GABARAPL2: variants seen among roughly 807,000 people sequenced by gnomAD.
GABARAPL2 encodes GABA type A receptor associated protein like 2, also known as gamma-aminobutyric acid receptor-associated protein-like 2.
In GABARAPL2, 11 loss-of-function variants were observed where a neutral mutation model predicts 16.9. The ratio of observed to expected loss-of-function variants is 0.65; its 90% CI spans 0.41 to 1.08. The LOEUF is 1.08. GABARAPL2 is among the 50% of genes least tolerant of loss of function. The probability of loss-of-function intolerance (pLI) is 0.00; values close to 1 mark genes in which losing one functional copy is unlikely to be tolerated. For synonymous variants in GABARAPL2, 57 were observed against 50.7 expected (o/e 1.12, Z -0.53); for missense variants, 134 against 142.5 (o/e 0.94, Z 0.30).
rs928334431 is a variant in GABARAPL2, at chr16:75,566,390, T to TCGCTGCCGCTGC, written c.-87_-76dup. On this transcript the variant is annotated 5_prime_UTR_variant, in exon 1 of 4. Transcript: ENST00000037243. The stretch of plus-strand genomic sequence containing the variant: ...CCCGCCTGCCGTGTAGTCGCCGCCG[T>TCGCTGCCGCTGC]CGCTGCCGCTGCCGCTGCCGCCGTC... 1.1e-3 allele frequency: 1,002 copies of TCGCTGCCGCTGC among 920,142 alleles called. 10 individuals are homozygous for TCGCTGCCGCTGC. The African/African-American group carries it at 0.015, about 14-fold the overall frequency. The allele number at this position is 920,142 out of a possible 1,614,324, so 57.0% of individuals were successfully genotyped here.
chr16:75,575,369 C>T (rs1193903538), intron 3 of GABARAPL2, among the ~76,000 whole-genome samples: 4 of 151,976 alleles, frequency 2.6e-5, no homozygotes, highest in Non-Finnish European at 5.9e-5. Flanking sequence ...GATCTTGGCT[C>T]ACTGCAACCT....
chr16:75,568,231 G>T (rs1389598881), intron 3 of GABARAPL2, 22 bp downstream of exon 3: 1 of 1,549,500 alleles, frequency 6.5e-7, no homozygotes, highest in Non-Finnish European at 8.9e-7. Flanking sequence ...TTACTAGATG[G>T]GCCCTCTGGT....
At chr16:75,576,261 A>T (rs1225894937) in intron 3 of GABARAPL2, 4 of 152,166 alleles carry the variant, frequency 2.6e-5, no homozygotes, top group Non-Finnish European at 5.9e-5. Flanking sequence ...AACAGGAAAA[A>T]AACTCAAAAC....
chr16:75,574,513 A>G (rs1011462942), intron 3 of GABARAPL2, among the ~76,000 whole-genome samples: 2 of 152,120 alleles, frequency 1.3e-5, no homozygotes, highest in Non-Finnish European at 2.9e-5. Context: ...TTTTCCCATT[A>G]GCCTCATTCT....
chr16:75,566,511 C>T lies in GABARAPL2; in HGVS notation c.25C>T (p.His9Tyr), dbSNP rs1309250011. The change falls in exon 1 of 4, where the codon CAC (histidine) becomes TAC (tyrosine). Residue 9 changes from histidine (H) to tyrosine (Y), a missense_variant. Coordinates refer to ENST00000037243, the MANE Select transcript of GABARAPL2 (RefSeq NM_007285.7). MKWMFKED[H>Y]SLEHRCVESA... ...CATGAAGTGGATGTTCAAGGAGGAC[C>T]ACTCGCTGGGTAAGCACTTGGTCGT... The T allele has an allele frequency of 6.2e-7, 1 of 1,609,044 alleles. No individual in the cohort carries two copies.
intron 3 of GABARAPL2, among the ~76,000 whole-genome samples, chr16:75,570,298 C>A (rs992989892): frequency 6.6e-6 from 1 of 152,094 alleles, no homozygotes; most frequent in Non-Finnish European, 1.5e-5. Flanking sequence ...ACATAAGAGG[C>A]GTGTGACATC....
At chr16:75,567,951 C>A in intron 2 of GABARAPL2, 86 bp from the exon 3 acceptor site, 1 of 1,022,082 alleles carries the variant, frequency 9.8e-7, no homozygotes, top group Non-Finnish European at 1.5e-6. Context: ...CCTCCTTGCC[C>A]ACACTCTGTT....
Position 75,568,107 on chromosome 16 carries a change from A to G in GABARAPL2, c.161A>G (p.Asp54Gly). 6.2e-7 allele frequency: 1 copy of G among 1,612,342 alleles called. No homozygotes were observed. Among genetic ancestry groups the G allele is most frequent in the Non-Finnish European group, 8.5e-7 (1 of 1,178,366 alleles). ...AAACGGAAGTACTTGGTTCCATCTGATATCACTGTGGCTCAGTTCATGTGG... is the reference window on the plus strand; with the variant it reads ...AAACGGAAGTACTTGGTTCCATCTGGTATCACTGTGGCTCAGTTCATGTGG... ...IDKRKYLVPSDITVAQFMWII... is the reference protein window; with the variant it reads ...IDKRKYLVPSGITVAQFMWII... The change falls in exon 3 of 4, where the codon GAT becomes GGT. Residue 54 changes from aspartate (D) to glycine (G), a missense_variant. Asp to Gly is a moderately conservative substitution (Grantham distance 94). Transcript: ENST00000037243.
At chr16:75,567,311 C>T (rs983840109) in intron 2 of GABARAPL2, among the ~76,000 whole-genome samples, 4 of 152,220 alleles carry the variant, frequency 2.6e-5, no homozygotes, top group Admixed American at 2.6e-4. Flanking sequence ...TACCTAACTT[C>T]TAGCTCCGTT....
intron 3 of GABARAPL2, among the ~76,000 whole-genome samples, chr16:75,569,975 C>T (rs955990915): frequency 1.3e-5 from 2 of 152,166 alleles, no homozygotes; most frequent in Non-Finnish European, 2.9e-5. Flanking sequence ...CAGCTCCTGA[C>T]CCTTCAGGAT....
At position 75,566,379 on chromosome 16, in the gene GABARAPL2, A is replaced by T. The variant is rs2080881251; in HGVS notation, c.-108A>T. 6 of 791,388 alleles carry T rather than the reference A, an allele frequency of 7.6e-6. No individual in the cohort carries two copies. The highest frequency in any genetic ancestry group is 6.3e-6 in the Non-Finnish European group (3 of 475,068). 49.0% of individuals were successfully genotyped at this position (791,388 alleles called of 1,614,324 possible). A position where few individuals can be genotyped will look rare whatever the true frequency, so the allele number is the denominator to read the frequency against. Reference sequence around the variant, plus strand: ...CAGCCGGAAGTCCCGCCTGCCGTGTAGTCGCCGCCGTCGCTGCCGCTGCCG... The same window carrying T: ...CAGCCGGAAGTCCCGCCTGCCGTGTTGTCGCCGCCGTCGCTGCCGCTGCCG... On this transcript the variant is annotated 5_prime_UTR_variant, in exon 1 of 4. Transcript: ENST00000037243.
At chr16:75,567,665 G>C (rs2080891991) in intron 2 of GABARAPL2, among the ~76,000 whole-genome samples, 1 of 152,104 alleles carries the variant, frequency 6.6e-6, no homozygotes, top group Admixed American at 6.6e-5. Flanking sequence ...TGTGTTCCTT[G>C]GGAACACAGT....
At chr16:75,568,904 C>T (rs1264423796) in intron 3 of GABARAPL2, among the ~76,000 whole-genome samples, 1 of 152,176 alleles carries the variant, frequency 6.6e-6, no homozygotes, top group Non-Finnish European at 1.5e-5. Flanking sequence ...TGGATGGGCT[C>T]CGTCTAACCT....
intron 2 of GABARAPL2, 76 bp downstream of exon 2, chr16:75,566,983 A>T: frequency 1.6e-6 from 2 of 1,235,852 alleles, no homozygotes; most frequent in Admixed American, 1.7e-5. Context: ...CAGGCCATTC[A>T]ACAGTTGACA....
intron 2 of GABARAPL2, among the ~76,000 whole-genome samples, chr16:75,567,396 TTTC>T (rs1345072328): frequency 6.6e-6 from 1 of 152,244 alleles, no homozygotes; most frequent in Non-Finnish European, 1.5e-5. Context: ...TCTGCCATAT[TTTC>T]TTCTTAGTCA....
In GABARAPL2 at chr16:75,566,774, G is replaced by T. The variant is rs929732179; in HGVS notation, c.35-78G>T. On this transcript the variant is annotated intron_variant, in intron 1 of 3. Transcript: ENST00000037243. ...CCAGGGCCTGGGTTGTACGCAGGGC[G>T]CAGGAGGAGGAGGGCCGGGGGCCGG... 7.5e-6 allele frequency: 10 copies of T among 1,339,960 alleles called. 1 individual carries two copies. The highest frequency in any genetic ancestry group is 7.0e-5 in the South Asian group (6 of 85,446). The allele number at this position is 1,339,960 out of a possible 1,614,324, so 83.0% of individuals were successfully genotyped here.
At chr16:75,575,244 G>A (rs1008056336) in intron 3 of GABARAPL2, among the ~76,000 whole-genome samples, 3 of 151,874 alleles carry the variant, frequency 2.0e-5, no homozygotes, top group African/African-American at 7.3e-5. Context: ...AGCCACATAT[G>A]TAATTTAAGA....
intron 3 of GABARAPL2, among the ~76,000 whole-genome samples, chr16:75,573,430 T>C (rs2080928309): frequency 2.0e-5 from 3 of 152,234 alleles, no homozygotes; most frequent in Admixed American, 2.0e-4. Flanking sequence ...ATGTTCAGCA[T>C]TGAGCATTCA....
In GABARAPL2 at chr16:75,568,035, A is replaced by G; in HGVS notation, c.91-2A>G. The G allele has an allele frequency of 1.9e-6, 3 of 1,598,260 alleles. No individual in the cohort carries two copies. The highest frequency in any genetic ancestry group is 1.1e-5 in the South Asian group (1 of 90,506). On this transcript the variant is annotated splice_acceptor_variant, in intron 2 of 3. Transcript: ENST00000037243. LOFTEE classifies it high-confidence loss of function. Reference sequence around the variant, plus strand: ...AGTCCTGACCTCTCTTTACTTTCCCAGGTGATTGTGGAAAAGGTCTCAGGC... The same window carrying G: ...AGTCCTGACCTCTCTTTACTTTCCCGGGTGATTGTGGAAAAGGTCTCAGGC...
Sources: allele counts gnomAD v4.1 joint callset (sites outside exome capture counted in the v4.1 genomes callset), GRCh38; gene constraint gnomAD v4.1.1; transcripts MANE v1.5; gene names NCBI Gene and HGNC (gene_info 2026-07-23, HGNC 2026-07-21).